The following CSMD1 variants were observed in gnomAD, a reference collection of about 807,000 sequenced individuals.
CSMD1 encodes the protein CUB and Sushi multiple domains 1.
In CSMD1, 213 loss-of-function variants were observed where a neutral mutation model predicts 417.5. The observed-to-expected ratio is 0.51, with a 90% CI of 0.46 to 0.57. The LOEUF (loss-of-function observed/expected upper bound fraction) is 0.57, where lower values mean the gene tolerates loss of function less well. CSMD1 is among the 20% of genes least tolerant of loss of function. The pLI is 0.00. For missense variants in CSMD1, 6,923 were observed against 4,529.7 expected, an observed-to-expected ratio of 1.53 and a Z score of -15.17; for synonymous variants, 2,862 against 1,736.8, an observed-to-expected ratio of 1.65 and a Z score of -16.11.
At chr8:4,710,753 G>A (rs1808236088) in intron 1 of CSMD1, among the ~76,000 whole-genome samples, 1 of 151,696 alleles carries the variant, frequency 6.6e-6, no homozygotes, top group South Asian at 2.1e-4. Flanking sequence ...TCTGAGGCAG[G>A]TAAAATGCTT....
At chr8:4,799,985 C>T (rs1028568630) in intron 1 of CSMD1, among the ~76,000 whole-genome samples, 1 of 151,984 alleles carries the variant, frequency 6.6e-6, no homozygotes, top group Non-Finnish European at 1.5e-5. Flanking sequence ...TTTTTTCTAA[C>T]ATAAGAAAAG....
chr8:3,425,323 C>T (rs1398855590), intron 12 of CSMD1, among the ~76,000 whole-genome samples: 2 of 151,488 alleles, frequency 1.3e-5, no homozygotes, highest in Admixed American at 6.6e-5. Flanking sequence ...GGCAAGGTGG[C>T]TCACGCCTGT....
chr8:4,075,897 A>G (rs1271305926), intron 3 of CSMD1, among the ~76,000 whole-genome samples: 1 of 152,190 alleles, frequency 6.6e-6, no homozygotes, highest in East Asian at 1.9e-4. Context: ...TATAATTGGA[A>G]TCTTTCCCAA....
At chr8:3,113,965 T>C (rs1259867108) in intron 42 of CSMD1, among the ~76,000 whole-genome samples, 1 of 152,164 alleles carries the variant, frequency 6.6e-6, no homozygotes, top group Non-Finnish European at 1.5e-5. Flanking sequence ...TAGCTGTAAT[T>C]CCAGCACTTT....
At chr8:3,688,264 CTCT>C (rs781187699) in intron 7 of CSMD1, among the ~76,000 whole-genome samples, 9 of 152,132 alleles carry the variant, frequency 5.9e-5, no homozygotes, top group Non-Finnish European at 1.0e-4. Flanking sequence ...CAAATATTGT[CTCT>C]TTTCTTTTGA....
At chr8:4,945,626 G>A (rs376949590) in intron 1 of CSMD1, among the ~76,000 whole-genome samples, 2 of 152,080 alleles carry the variant, frequency 1.3e-5, no homozygotes, top group African/African-American at 4.8e-5. Flanking sequence ...TGTATTCAAG[G>A]TGATAAAGTT....
intron 1 of CSMD1, among the ~76,000 whole-genome samples, chr8:4,654,491 C>T (rs1412125271): frequency 3.3e-5 from 5 of 152,092 alleles, no homozygotes; most frequent in African/African-American, 7.2e-5. Flanking sequence ...ACCCTGGAAA[C>T]GAAGTACCAG....
At chr8:4,146,072 C>G (rs929316109) in intron 3 of CSMD1, among the ~76,000 whole-genome samples, 1 of 150,786 alleles carries the variant, frequency 6.6e-6, no homozygotes, top group Non-Finnish European at 1.5e-5. Context: ...TTGAGGGAGG[C>G]AATTGCATGT....
At chr8:4,752,519 C>A (rs1163427568) in intron 1 of CSMD1, among the ~76,000 whole-genome samples, 1 of 152,088 alleles carries the variant, frequency 6.6e-6, no homozygotes, top group Non-Finnish European at 1.5e-5. Flanking sequence ...ACGTGAATAC[C>A]TCTTTGAAAC....
intron 31 of CSMD1, among the ~76,000 whole-genome samples, chr8:3,203,669 G>T (rs1040073747): frequency 6.6e-6 from 1 of 152,144 alleles, no homozygotes; most frequent in Non-Finnish European, 1.5e-5. Flanking sequence ...GATCTCAAAG[G>T]CCACCCTGAA....
intron 11 of CSMD1, among the ~76,000 whole-genome samples, chr8:3,485,526 T>TACACACAC (rs149963962): frequency 0.14 from 18,917 of 135,982 alleles, 1,418 homozygotes; most frequent in East Asian, 0.22. Context: ...TTCATAACAA[T>TACACACAC]ACACACACAC....
rs375265462 is a variant in CSMD1, at chr8:3,576,662, T to C, written c.1223-1596A>G. ...AACTGGGTTTCCGAAACTCAGTAGG[T>C]GTGTCATTGGTCTAAAGGTCACTGG... On this transcript the variant is annotated intron_variant, in intron 9 of 69. Transcript: ENST00000635120. Among the ~76,000 whole-genome samples, 255 of 152,308 alleles carry C rather than the reference T, an allele frequency of 1.7e-3. 2 individuals carry two copies. The highest frequency in any genetic ancestry group is 5.9e-3 in the African/African-American group (247 of 41,566).
intron 1 of CSMD1, among the ~76,000 whole-genome samples, chr8:4,760,070 C>T (rs976816876): frequency 5.3e-5 from 8 of 152,110 alleles, no homozygotes; most frequent in Admixed American, 6.5e-5. Flanking sequence ...CTCTCCAGCA[C>T]CTGTTGTTTC....
At chr8:4,986,305 A>T (rs1379736459) in intron 1 of CSMD1, among the ~76,000 whole-genome samples, 1 of 152,210 alleles carries the variant, frequency 6.6e-6, no homozygotes, top group Non-Finnish European at 1.5e-5. Context: ...GGGAATGATG[A>T]GAGTCCCCGA....
At chr8:3,990,435 T>C (rs1296873838) in intron 5 of CSMD1, among the ~76,000 whole-genome samples, 1 of 152,204 alleles carries the variant, frequency 6.6e-6, no homozygotes, top group African/African-American at 2.4e-5. Flanking sequence ...CTATTTTTCC[T>C]ATTGGTCCCA....
At chr8:3,295,846 C>G (rs1803922236) in intron 25 of CSMD1, among the ~76,000 whole-genome samples, 1 of 152,146 alleles carries the variant, frequency 6.6e-6, no homozygotes, top group African/African-American at 2.4e-5. Flanking sequence ...CATTTTGCAT[C>G]TATAAGACGT....
chr8:3,462,184 C>A (rs1159777176), intron 12 of CSMD1, among the ~76,000 whole-genome samples: 2 of 152,138 alleles, frequency 1.3e-5, no homozygotes, highest in Non-Finnish European at 2.9e-5. Context: ...GGAATCATCC[C>A]AAGCAGTGTT....
chr8:3,776,031 C>T (rs561935968), intron 5 of CSMD1, among the ~76,000 whole-genome samples: 2 of 152,338 alleles, frequency 1.3e-5, no homozygotes, highest in Admixed American at 6.5e-5. Flanking sequence ...ACTCTCTATT[C>T]CATGTGCTGG....
intron 10 of CSMD1, among the ~76,000 whole-genome samples, chr8:3,494,871 G>C (rs1279249452): frequency 1.3e-5 from 2 of 152,118 alleles, no homozygotes; most frequent in Admixed American, 6.5e-5. Context: ...ATGCCTGTTT[G>C]TTAAGCTTGA....
Sources: gnomAD v4.1 joint callset for allele counts (sites outside exome capture counted in the v4.1 genomes callset) on GRCh38, gnomAD v4.1.1 for gene constraint, MANE v1.5 for transcripts, NCBI Gene and HGNC (gene_info 2026-07-23, HGNC 2026-07-21) for gene names.